The following MYO15B variants were observed in gnomAD, a reference collection of about 807,000 sequenced individuals.
The protein encoded by MYO15B is myosin XVB pseudogene.
Under a neutral mutation model 119.3 loss-of-function variants are expected in MYO15B, and 207 were observed. The observed-to-expected ratio is 1.73, with a 90% CI of 1.55 to 1.95. The LOEUF (loss-of-function observed/expected upper bound fraction) is 1.95. MYO15B is among the 30% of genes most tolerant of loss of function. The pLI is 0.00. For missense variants in MYO15B, 2,264 were observed against 1,203.1 expected (o/e 1.88, Z -13.04); for synonymous variants, 966 against 498.9 (o/e 1.94, Z -12.48).
chr17:75,598,694 TTTA>T (rs760817417), intron 14 of MYO15B, among the ~76,000 whole-genome samples: 117 of 152,330 alleles, frequency 7.7e-4, no homozygotes, highest in Admixed American at 2.7e-3. Context: ...ATAATGTTCA[TTTA>T]TTAATACTTA....
intron 12 of MYO15B, 50 bp from the exon 13 acceptor site, chr17:75,596,410 G>T (rs562786165): frequency 2.9e-6 from 2 of 699,774 alleles, no homozygotes; most frequent in African/African-American, 1.7e-5. Context: ...CCTCTGGGGT[G>T]GGGGGAGGGC....
At chr17:75,588,031 G>C (rs1358730476) in exon 1 of MYO15B, 2 of 398,332 alleles carry the variant, frequency 5.0e-6, no homozygotes, top group South Asian at 1.3e-4. Context: ...CCTGGGCGTC[G>C]GGAAGCCCGT....
rs566701548 is a variant in MYO15B, at chr17:75,608,336, C to T, written c.4293-1830C>T. 7.2e-5 allele frequency among the ~76,000 whole-genome samples: 11 copies of T among 152,146 alleles called. No homozygotes were observed. In the South Asian group the frequency reaches 8.3e-4, roughly 11 times the overall value. On this transcript the variant is annotated intron_variant, in intron 21 of 63. Transcript: ENST00000645453. ...GTTTTACTATGTTGGCCAGGCTGGT[C>T]TCGAACTCCTGACCTCAGGTGATCC... is the stretch of plus-strand genomic sequence containing the variant.
In MYO15B at chr17:75,589,820, G is replaced by T; in HGVS notation, c.1763G>T (p.Gly588Val). The change falls in exon 1 of 64, where the codon GGG becomes GTG. Residue 588 changes from glycine (G) to valine (V), a missense_variant. Gly to Val is a moderately radical substitution (Grantham distance 109). Transcript: ENST00000645453. This position sits in a 1 kb window ranked among gnomAD's most constrained non-coding sequence, Gnocchi z 4.2. ...GCAGGGGTGGGGGGGCACAGTGAGG[G>T]GTGCAGGACGAGTGGGGAAGGGGTG... 2 of 398,560 alleles carry T rather than the reference G, an allele frequency of 5.0e-6. No homozygotes were observed. The highest frequency in any genetic ancestry group is 8.9e-6 in the Non-Finnish European group (2 of 225,978). The allele number at this position is 398,560 out of a possible 1,614,324, so 24.7% of individuals were successfully genotyped here. A position where few individuals can be genotyped will look rare whatever the true frequency, so the allele number is the denominator to read the frequency against.
intron 19 of MYO15B, 33 bp from the exon 20 acceptor site, chr17:75,605,471 G>A (rs1209614367): frequency 2.9e-6 from 2 of 693,916 alleles, no homozygotes; most frequent in East Asian, 5.4e-5. Context: ...GGAGGTTCTG[G>A]CTATTCTGAT....
intron 21 of MYO15B, among the ~76,000 whole-genome samples, chr17:75,608,716 C>T (rs2057811298): frequency 6.8e-6 from 1 of 146,992 alleles, no homozygotes; most frequent in Non-Finnish European, 1.5e-5. Context: ...GGCCACCAAG[C>T]CCGGCTAATT....
exon 30 of MYO15B, chr17:75,614,239 C>T: frequency 1.4e-6 from 1 of 702,826 alleles, no homozygotes; most frequent in Non-Finnish European, 2.6e-6. Context: ...TGTGTCACTG[C>T]ACTCCAGGGA....
chr17:75,607,968 A>T (rs2057764960), intron 21 of MYO15B, among the ~76,000 whole-genome samples: 1 of 152,142 alleles, frequency 6.6e-6, no homozygotes, highest in Non-Finnish European at 1.5e-5. Context: ...TTCCATTTTT[A>T]AAATCATAGC....
At chr17:75,616,350 G>A (rs2058369792) in exon 38 of MYO15B, 2 of 610,708 alleles carry the variant, frequency 3.3e-6, no homozygotes, top group African/African-American at 1.9e-5. Flanking sequence ...GAAGCCCCCG[G>A]CCAAGGTCCA....
At chr17:75,617,367 ACT>A (rs1309862407) in intron 41 of MYO15B, 63 bp downstream of exon 41, 7 of 547,190 alleles carry the variant, frequency 1.3e-5, no homozygotes, top group Non-Finnish European at 1.9e-5. Context: ...GTTCGCACAG[ACT>A]CTCGGTGCCC....
chr17:75,595,306 C>G (rs1340964632), intron 12 of MYO15B, among the ~76,000 whole-genome samples: 1 of 152,206 alleles, frequency 6.6e-6, no homozygotes, highest in Non-Finnish European at 1.5e-5. Context: ...GGTCTCTGCT[C>G]CCTTTTCTGG....
intron 14 of MYO15B, among the ~76,000 whole-genome samples, chr17:75,598,456 T>C (rs1198939476): frequency 7.3e-6 from 1 of 137,124 alleles, no homozygotes; most frequent in African/African-American, 2.8e-5. Context: ...TGGGCGCCTG[T>C]AGTCCCAGCT....
exon 13 of MYO15B, chr17:75,596,536 T>C (rs769506723): frequency 2.8e-6 from 2 of 703,062 alleles, no homozygotes; most frequent in South Asian, 1.5e-5. Context: ...TCCAGCCAGA[T>C]GCTGCTGGCC....
exon 31 of MYO15B, chr17:75,614,590 G>T: frequency 1.4e-6 from 1 of 700,932 alleles, no homozygotes; most frequent in African/African-American, 1.7e-5. Context: ...CAGAGCCGAG[G>T]CCATTCCCCT....
exon 64 of MYO15B, chr17:75,626,626 G>A: frequency 1.6e-6 from 1 of 629,782 alleles, no homozygotes; most frequent in Non-Finnish European, 2.9e-6. Flanking sequence ...CAGGCCATGA[G>A]GCAGGGGCTG....
chr17:75,620,216 T>C, intron 47 of MYO15B, 30 bp from the exon 48 acceptor site: 2 of 702,272 alleles, frequency 2.8e-6, no homozygotes, highest in Non-Finnish European at 5.2e-6. Context: ...GCAGACTTGC[T>C]GCTCCAGGCC....
Position 75,624,159 on chromosome 17 carries a change from G to A in MYO15B, c.8273-16G>A, listed in dbSNP as rs2058876783. 4 of 702,882 alleles carry A rather than the reference G, an allele frequency of 5.7e-6. No homozygotes were observed. The highest frequency in any genetic ancestry group is 7.8e-6 in the Non-Finnish European group (3 of 384,916). 43.5% of individuals were successfully genotyped at this position (702,882 alleles called of 1,614,324 possible). A position where few individuals can be genotyped will look rare whatever the true frequency, so the allele number is the denominator to read the frequency against. On this transcript the variant is annotated splice_polypyrimidine_tract_variant and intron_variant, in intron 55 of 63. Coordinates refer to ENST00000645453, the Ensembl canonical transcript of MYO15B. The stretch of plus-strand genomic sequence containing the variant: ...AGACATGGCCATCTCATAACCCCAG[G>A]CTGGCTTCTCTGCAGAGCTGGCCCG...
exon 1 of MYO15B, chr17:75,588,783 G>A (rs1390895300): frequency 2.5e-6 from 1 of 398,518 alleles, no homozygotes; most frequent in Non-Finnish European, 4.4e-6. Context: ...ACTCCGACTC[G>A]AGTCCGCTGG....
At position 75,616,551 on chromosome 17, in the gene MYO15B, T is replaced by C. The variant is rs776858471; in HGVS notation, c.6272T>C (p.Val2091Ala). ...CCGTCCCCTCCTCCTCCCCCCATCGTGAAGAAGCCATTGAAGCAAGGTGGG... is the reference window on the plus strand; with the variant it reads ...CCGTCCCCTCCTCCTCCCCCCATCGCGAAGAAGCCATTGAAGCAAGGTGGG... The change falls in exon 39 of 64, where the codon GTG (valine) becomes GCG (alanine). Residue 2091 changes from valine to alanine, a missense_variant. Coordinates refer to ENST00000645453, the Ensembl canonical transcript of MYO15B. 5.7e-6 allele frequency: 4 copies of C among 702,798 alleles called. No individual in the cohort carries two copies. In the East Asian group the frequency reaches 1.1e-4, roughly 19 times the overall value. The allele number at this position is 702,798 out of a possible 1,614,324, so 43.5% of individuals were successfully genotyped here. A position where few individuals can be genotyped will look rare whatever the true frequency, so the allele number is the denominator to read the frequency against.
Sources: allele counts gnomAD v4.1 joint callset (sites outside exome capture counted in the v4.1 genomes callset), GRCh38; gene constraint gnomAD v4.1.1; non-coding constraint Gnocchi (gnomAD v3.1); transcripts MANE v1.5; gene names NCBI Gene and HGNC (gene_info 2026-07-23, HGNC 2026-07-21).